Variants in SLC6A12 observed in about 807,000 individuals in gnomAD.
SLC6A12 encodes sodium- and chloride-dependent betaine transporter.
SLC6A12 carries 50 observed loss-of-function variants against 73.3 expected under a neutral mutation model. The ratio of observed to expected loss-of-function variants is 0.68; its 90% CI spans 0.54 to 0.86. SLC6A12 has a LOEUF of 0.86. SLC6A12 is among the 40% of genes least tolerant of loss of function. The probability of loss-of-function intolerance (pLI) is 0.00; values close to 1 mark genes in which losing one functional copy is unlikely to be tolerated. For missense variants in SLC6A12, 648 were observed against 772.8 expected (o/e 0.84, Z 1.92); for synonymous variants, 304 against 309.2 (o/e 0.98, Z 0.18).
At chr12:196,010 C>T (rs1431206135) in intron 12 of SLC6A12, 114 bp downstream of exon 12, 3 of 952,324 alleles carry the variant, frequency 3.2e-6, no homozygotes, top group East Asian at 2.7e-5. Flanking sequence ...GCAGGGCAGG[C>T]GTTCACACCC....
chr12:201,420 G>A (rs767226064), intron 6 of SLC6A12: 27 of 275,166 alleles, frequency 9.8e-5, no homozygotes, highest in Admixed American at 4.3e-4. Context: ...TGACACCACC[G>A]AGCATGGCAG....
chr12:214,034 G>C lies in SLC6A12; in HGVS notation c.-255C>G, dbSNP rs1353704542. 1 of 152,386 alleles carries C rather than the reference G, an allele frequency of 6.6e-6. No individual in the cohort carries two copies. The highest frequency in any genetic ancestry group is 2.4e-5 in the African/African-American group (1 of 41,452). 9.4% of individuals were successfully genotyped at this position (152,386 alleles called of 1,614,324 possible). On this transcript the variant is annotated 5_prime_UTR_variant, in exon 1 of 16. Transcript: ENST00000684302. The surrounding 1 kb of genome is among the most constrained non-coding windows in gnomAD (Gnocchi z 4.2). Reference sequence around the variant, plus strand: ...GCCAAGAGAGCCGGGACCTGAAAGGGAAACTGCCCTCCACGTTCACGCCTT... The same window carrying C: ...GCCAAGAGAGCCGGGACCTGAAAGGCAAACTGCCCTCCACGTTCACGCCTT...
At position 196,179 on chromosome 12, in the gene SLC6A12, A is replaced by G; in HGVS notation, c.1271T>C (p.Leu424Pro). 6.3e-7 allele frequency: 1 copy of G among 1,580,238 alleles called. No homozygotes were observed. The highest frequency in any genetic ancestry group is 8.6e-7 in the Non-Finnish European group (1 of 1,163,800). ...QLRKSGRREL[L>P]ILTIAVMCYL... Reference sequence around the variant, plus strand: ...GCACATGACGGCGATGGTGAGGATGAGGAGCTCGCGCCGCCCGCTCTTCCG... The same window carrying G: ...GCACATGACGGCGATGGTGAGGATGGGGAGCTCGCGCCGCCCGCTCTTCCG... The change falls in exon 12 of 16, where the codon CTC becomes CCC. Residue 424 changes from leucine (L) to proline (P), a missense_variant. Leu to Pro is a moderately conservative substitution (Grantham distance 98). Transcript: ENST00000684302.
At chr12:187,457 T>C (rs7971499), downstream of SLC6A12, among the ~76,000 whole-genome samples, 81,038 of 151,270 alleles carry the variant, frequency 0.54, 21,970 homozygotes, top group Middle Eastern at 0.67. Context: ...TGGAGTTTTT[T>C]TTTCCTCCCG....
At chr12:209,200 T>C (rs4980866) in intron 3 of SLC6A12, among the ~76,000 whole-genome samples, 78,580 of 152,010 alleles carry the variant, frequency 0.52, 20,427 homozygotes, top group Middle Eastern at 0.6. Context: ...ACGACACTCA[T>C]GCCTTCACTT....
rs1940019660 is a variant in SLC6A12, at chr12:198,126, C to T, written c.847-123G>A. On this transcript the variant is annotated intron_variant, in intron 8 of 15. Coordinates refer to ENST00000684302, the MANE Select transcript of SLC6A12 (RefSeq NM_001122848.3). This position sits in a 1 kb window ranked among gnomAD's most constrained non-coding sequence, Gnocchi z 4.0. ...CCCTCAGTGCTCCCTGAGCGCTTCC[C>T]TCCTGCATCCCAACTCTCCGTGAGT... 1.4e-6 allele frequency: 1 copy of T among 699,612 alleles called. No individual in the cohort carries two copies. Among genetic ancestry groups the T allele is most frequent in the Non-Finnish European group, 2.5e-6 (1 of 401,420 alleles). The allele number at this position is 699,612 out of a possible 1,614,324, so 43.3% of individuals were successfully genotyped here.
At chr12:185,652 T>TGCCAAGG, downstream of SLC6A12, among the ~76,000 whole-genome samples, 1 of 152,232 alleles carries the variant, frequency 6.6e-6, no homozygotes, top group Middle Eastern at 3.4e-3. Flanking sequence ...AGCTCCCCTC[T>TGCCAAGG]CTGTCTGTGG....
In SLC6A12 at chr12:210,063, T is replaced by A; in HGVS notation, c.-57-20A>T. Reference sequence around the variant, plus strand: ...CAAAGCCTGGTGGGAAGAGAAGAAATTAGCTGTAAAACCCGACATGCTCCC... The same window carrying A: ...CAAAGCCTGGTGGGAAGAGAAGAAAATAGCTGTAAAACCCGACATGCTCCC... On this transcript the variant is annotated intron_variant, in intron 2 of 15. Coordinates refer to ENST00000684302, the MANE Select transcript of SLC6A12 (RefSeq NM_001122848.3). 6.4e-7 allele frequency: 1 copy of A among 1,563,166 alleles called. No homozygotes were observed. The highest frequency in any genetic ancestry group is 8.7e-7 in the Non-Finnish European group (1 of 1,152,112).
At chr12:199,750 G>A (rs970505793) in intron 7 of SLC6A12, 3 of 152,128 alleles carry the variant, frequency 2.0e-5, no homozygotes, top group African/African-American at 7.2e-5. Flanking sequence ...GGCTCTCTGG[G>A]TTGGAAATAA....
At chr12:206,916 A>T (rs1368167434) in intron 3 of SLC6A12, among the ~76,000 whole-genome samples, 1 of 152,210 alleles carries the variant, frequency 6.6e-6, no homozygotes, top group African/African-American at 2.4e-5. Flanking sequence ...CCTTCCCTCC[A>T]ATAAAGGAGG....
Position 191,185 on chromosome 12 carries a change from G to C in SLC6A12, c.1728C>G (p.Asp576Glu). The change falls in exon 16 of 16, where the codon GAC becomes GAG. Residue 576 changes from aspartate to glutamate, a missense_variant. Asp to Glu is a conservative substitution (Grantham distance 45). Coordinates refer to ENST00000684302, the MANE Select transcript of SLC6A12 (RefSeq NM_001122848.3). ...GTTGCTTGGGCTGTGGCAGACTGGA[G>C]TCAGGGGTGATGAGCTGACGCAGAC... is the stretch of plus-strand genomic sequence containing the variant. ...RKRLRQLITP[D>E]SSLPQPKQHP... 3.1e-6 allele frequency: 4 copies of C among 1,294,118 alleles called. No homozygotes were observed. The highest frequency in any genetic ancestry group is 4.0e-6 in the Non-Finnish European group (4 of 1,009,744). The allele number at this position is 1,294,118 out of a possible 1,614,324, so 80.2% of individuals were successfully genotyped here. A position where few individuals can be genotyped will look rare whatever the true frequency, so the allele number is the denominator to read the frequency against.
downstream of SLC6A12, among the ~76,000 whole-genome samples, chr12:185,775 C>T (rs1249231338): frequency 6.6e-6 from 1 of 152,194 alleles, no homozygotes; most frequent in Non-Finnish European, 1.5e-5. Flanking sequence ...AAGCAGAGAG[C>T]GCTGGAGTGC....
intron 5 of SLC6A12, among the ~76,000 whole-genome samples, chr12:202,337 T>C (rs1940314345): frequency 6.6e-6 from 1 of 152,196 alleles, no homozygotes; most frequent in Non-Finnish European, 1.5e-5. Flanking sequence ...TTTGTAGTGG[T>C]TGTGTTTATT....
downstream of SLC6A12, among the ~76,000 whole-genome samples, chr12:186,069 G>A (rs1428352137): frequency 6.6e-6 from 1 of 151,822 alleles, no homozygotes; most frequent in Non-Finnish European, 1.5e-5. Flanking sequence ...CCAGGGTCAG[G>A]GGAGGGCTCT....
At chr12:184,119 A>G in the SLC6A12 span, among the ~76,000 whole-genome samples, 1 of 152,236 alleles carries the variant, frequency 6.6e-6, no homozygotes, top group Non-Finnish European at 1.5e-5. Context: ...ATAACCAAGT[A>G]GGGTTTGCCC....
intron 6 of SLC6A12, 154 bp downstream of exon 6, chr12:201,608 C>T (rs1228507617): frequency 3.1e-6 from 2 of 648,696 alleles, no homozygotes; most frequent in Non-Finnish European, 5.6e-6. Context: ...GCGTTCTCCC[C>T]TGCCTCAGTG....
Position 190,089 on chromosome 12 carries a change from A to AG in SLC6A12, c.*978_*979insC. 6.6e-6 allele frequency: 1 copy of AG among 152,380 alleles called. No individual in the cohort carries two copies. The highest frequency in any genetic ancestry group is 1.5e-5 in the Non-Finnish European group (1 of 68,136). The allele number at this position is 152,380 out of a possible 1,614,324, so 9.4% of individuals were successfully genotyped here. On this transcript the variant is annotated 3_prime_UTR_variant, in exon 16 of 16. Coordinates refer to ENST00000684302, the MANE Select transcript of SLC6A12 (RefSeq NM_001122848.3). Reference sequence around the variant, plus strand: ...AAGGAGACCAGCACGCATGGAAGGCAATCCATACACACTTGTTAACTAAGG... The same window carrying AG: ...AAGGAGACCAGCACGCATGGAAGGCAGATCCATACACACTTGTTAACTAAGG...
In SLC6A12 at chr12:200,892, C is replaced by T; in HGVS notation, c.579-109G>A. 9.1e-6 allele frequency: 11 copies of T among 1,206,400 alleles called. No individual in the cohort carries two copies. The South Asian group carries it at 1.4e-4, about 15-fold the overall frequency. The allele number at this position is 1,206,400 out of a possible 1,614,324, so 74.7% of individuals were successfully genotyped here. A position where few individuals can be genotyped will look rare whatever the true frequency, so the allele number is the denominator to read the frequency against. ...AGCTGACCCCACGGATCTCATATTCCAGGGCTTCCCCCACTCCCCACCTCC... is the reference window on the plus strand; with the variant it reads ...AGCTGACCCCACGGATCTCATATTCTAGGGCTTCCCCCACTCCCCACCTCC... On this transcript the variant is annotated intron_variant, in intron 6 of 15. Coordinates refer to ENST00000684302, the MANE Select transcript of SLC6A12 (RefSeq NM_001122848.3).
intron 13 of SLC6A12, among the ~76,000 whole-genome samples, chr12:195,019 A>G (rs957595291): frequency 1.3e-5 from 2 of 152,232 alleles, no homozygotes; most frequent in African/African-American, 4.8e-5. Context: ...CCATTTTGTC[A>G]TCATTACAGC....
Sources: allele counts gnomAD v4.1 joint callset (sites outside exome capture counted in the v4.1 genomes callset), GRCh38; gene constraint gnomAD v4.1.1; non-coding constraint Gnocchi (gnomAD v3.1); transcripts MANE v1.5; gene names NCBI Gene and HGNC (gene_info 2026-07-23, HGNC 2026-07-21).